Variants in KHDRBS1 observed in about 807,000 individuals in gnomAD.
KHDRBS1 encodes the protein KH domain-containing, RNA-binding, signal transduction-associated protein 1.
A neutral mutation model predicts 48.4 loss-of-function variants in KHDRBS1; 7 were observed. That is an observed-to-expected ratio of 0.14 (90% confidence interval 0.08 to 0.27). The LOEUF (loss-of-function observed/expected upper bound fraction) is 0.27. KHDRBS1 is among the 10% of genes least tolerant of loss of function. The pLI is 1.00. For missense variants in KHDRBS1, 458 were observed against 601.2 expected, an observed-to-expected ratio of 0.76 and a Z score of 2.49; for synonymous variants, 241 against 235.8, an observed-to-expected ratio of 1.02 and a Z score of -0.20.
intron 10 of KHDRBS1, among the ~76,000 whole-genome samples, chr1:32,057,272 C>T (rs554532862): frequency 6.6e-6 from 1 of 152,126 alleles, no homozygotes; most frequent in Non-Finnish European, 1.5e-5. Flanking sequence ...CTCAAGTGAT[C>T]CAGGCTCAAG....
intron 1 of KHDRBS1, among the ~76,000 whole-genome samples, chr1:32,028,565 C>T (rs1227844392): frequency 1.4e-5 from 2 of 143,260 alleles, no homozygotes; most frequent in African/African-American, 2.6e-5. Flanking sequence ...TGCAGTGGCG[C>T]GATCTCGGCT....
intron 8 of KHDRBS1, among the ~76,000 whole-genome samples, chr1:32,042,164 T>C (rs1639292993): frequency 1.3e-5 from 2 of 152,226 alleles, no homozygotes; most frequent in Non-Finnish European, 2.9e-5. Context: ...GGAAAGGCCA[T>C]TGCAGACTCA....
intron 5 of KHDRBS1, 140 bp downstream of exon 5, chr1:32,037,183 C>T: frequency 1.1e-6 from 1 of 922,388 alleles, no homozygotes; most frequent in South Asian, 1.8e-5. Flanking sequence ...TACAACCATA[C>T]TCTCACACCT....
intron 1 of KHDRBS1, 118 bp from the exon 2 acceptor site, chr1:32,030,180 G>T: frequency 1.4e-6 from 1 of 728,978 alleles, no homozygotes; most frequent in Non-Finnish European, 2.2e-6. Flanking sequence ...TTCTGAAATT[G>T]GCACATTTGT....
intron 1 of KHDRBS1, among the ~76,000 whole-genome samples, chr1:32,028,587 C>G (rs1433295247): frequency 6.8e-6 from 1 of 147,592 alleles, no homozygotes; most frequent in African/African-American, 2.5e-5. Context: ...ACTGCAAGCT[C>G]TGCCTCCTGG....
chr1:32,038,117 T>A, intron 6 of KHDRBS1, 81 bp downstream of exon 6: 1 of 1,574,774 alleles, frequency 6.4e-7, no homozygotes, highest in Non-Finnish European at 8.6e-7. Context: ...CTCGGTCCTT[T>A]ATGTAGGTGT....
chr1:32,026,954 C>T (rs1569782233), intron 1 of KHDRBS1, among the ~76,000 whole-genome samples: 1 of 152,198 alleles, frequency 6.6e-6, no homozygotes, highest in African/African-American at 2.4e-5. Context: ...ACCACCACGC[C>T]TGGCTAATTT....
intron 8 of KHDRBS1, among the ~76,000 whole-genome samples, chr1:32,041,731 A>T (rs888618701): frequency 6.6e-6 from 1 of 151,934 alleles, no homozygotes; most frequent in Non-Finnish European, 1.5e-5. Flanking sequence ...CTGGGATTAC[A>T]GGCATGCGCC....
intron 5 of KHDRBS1, among the ~76,000 whole-genome samples, chr1:32,037,602 G>A (rs1236873978): frequency 6.6e-6 from 1 of 152,152 alleles, no homozygotes; most frequent in South Asian, 2.1e-4. Flanking sequence ...CCTTTATAGA[G>A]TATTCAGACT....
chr1:32,022,981 A>T (rs554078796), intron 1 of KHDRBS1, among the ~76,000 whole-genome samples: 7 of 151,886 alleles, frequency 4.6e-5, no homozygotes, highest in Non-Finnish European at 1.0e-4. Flanking sequence ...ATTTTCCCAG[A>T]CTTCTCTAAT....
chr1:32,046,744 G>A (rs144214209), downstream of KHDRBS1, among the ~76,000 whole-genome samples: 3 of 152,116 alleles, frequency 2.0e-5, no homozygotes, highest in Admixed American at 6.5e-5. Flanking sequence ...TAAGCCCTAC[G>A]CATATAGAAC....
In KHDRBS1 at chr1:32,042,549, C is replaced by T. The variant is rs756942086; in HGVS notation, c.1257C>T (p.Thr419=). The T allele has an allele frequency of 1.2e-6, 2 of 1,613,412 alleles. No individual in the cohort carries two copies. The highest frequency in any genetic ancestry group is 2.2e-5 in the South Asian group (2 of 91,058). ...CAGGCCAGGACGACTGGAATGGGAC[C>T]AGGCCGTCGCTGAAGGCCCCTCCTG... is the stretch of plus-strand genomic sequence containing the variant. ...EAYGQDDWNG[T]RPSLKAPPAR... is the part of the protein sequence containing the mutation. The change falls in exon 9 of 9, where the codon ACC becomes ACT. Residue 419 remains threonine, a synonymous_variant. Transcript: ENST00000327300.
At chr1:32,016,767 G>A (rs1369439625) in intron 1 of KHDRBS1, among the ~76,000 whole-genome samples, 1 of 151,846 alleles carries the variant, frequency 6.6e-6, no homozygotes, top group African/African-American at 2.4e-5. Flanking sequence ...CTATATTGTC[G>A]TTATGTACAG....
At chr1:32,036,276 A>G (rs896554956) in intron 4 of KHDRBS1, among the ~76,000 whole-genome samples, 2 of 137,556 alleles carry the variant, frequency 1.5e-5, no homozygotes, top group Non-Finnish European at 3.0e-5. Context: ...GGTTCTCGCC[A>G]TTCTCCTGCC....
chr1:32,053,205 C>T (rs115093459), intron 10 of KHDRBS1, among the ~76,000 whole-genome samples: 203 of 152,196 alleles, frequency 1.3e-3, no homozygotes, highest in African/African-American at 4.8e-3. Flanking sequence ...AATAGTGTAT[C>T]ATCATGTTCT....
At chr1:32,027,195 G>A (rs558334754) in intron 1 of KHDRBS1, among the ~76,000 whole-genome samples, 2 of 152,068 alleles carry the variant, frequency 1.3e-5, no homozygotes, top group Non-Finnish European at 2.9e-5. Flanking sequence ...GCCTCCCAAC[G>A]TGCTGGGATT....
At chr1:32,041,998 G>T (rs1281818603) in intron 8 of KHDRBS1, among the ~76,000 whole-genome samples, 3 of 152,208 alleles carry the variant, frequency 2.0e-5, no homozygotes, top group East Asian at 3.9e-4. Context: ...AGTGGCCCTT[G>T]CTTGGTTTTC....
chr1:32,027,261 A>G (rs910482960), intron 1 of KHDRBS1, among the ~76,000 whole-genome samples: 2 of 152,184 alleles, frequency 1.3e-5, no homozygotes, highest in African/African-American at 2.4e-5. Flanking sequence ...CTCCTTGGTG[A>G]TGTTCTCAGA....
chr1:32,049,809 G>A (rs1354180300), intron 10 of KHDRBS1, among the ~76,000 whole-genome samples: 3 of 151,822 alleles, frequency 2.0e-5, no homozygotes, highest in African/African-American at 7.3e-5. Context: ...ATATAGGCAC[G>A]TGCCACCACA....
Sources: allele counts gnomAD v4.1 joint callset (sites outside exome capture counted in the v4.1 genomes callset), GRCh38; gene constraint gnomAD v4.1.1; transcripts MANE v1.5; gene names NCBI Gene and HGNC (gene_info 2026-07-23, HGNC 2026-07-21).